NCOR2: variants seen among roughly 807,000 people sequenced by gnomAD.
NCOR2 encodes nuclear receptor corepressor 2.
Under a neutral mutation model 262.9 loss-of-function variants are expected in NCOR2, and 81 were observed. The observed-to-expected ratio is 0.31, with a 90% CI of 0.26 to 0.37. The LOEUF (loss-of-function observed/expected upper bound fraction) is 0.37. Ranked by LOEUF, NCOR2 falls within the 10% of genes least tolerant of loss-of-function variation. The pLI is 1.00. For missense variants in NCOR2, 3,385 were observed against 3,621.4 expected, an observed-to-expected ratio of 0.93 and a Z score of 1.68; for synonymous variants, 1,659 against 1,559.3, an observed-to-expected ratio of 1.06 and a Z score of -1.51.
rs575931033 is a variant in NCOR2, at chr12:124,368,633, C to T, written c.2807+3389G>A. 4.6e-5 allele frequency among the ~76,000 whole-genome samples: 7 copies of T among 152,354 alleles called. No individual in the cohort carries two copies. In the East Asian group the frequency reaches 1.4e-3, roughly 29 times the overall value. On this transcript the variant is annotated intron_variant, in intron 20 of 46. Transcript: ENST00000405201. Reference sequence around the variant, plus strand: ...GACATACGCTCATGCGGCCACAGGGCCTTTGCACTGGTGGTTCCCAGGGGG... The same window carrying T: ...GACATACGCTCATGCGGCCACAGGGTCTTTGCACTGGTGGTTCCCAGGGGG...
At chr12:124,326,235 G>A (rs754553165) in exon 46 of NCOR2, 3 of 1,543,322 alleles carry the variant, frequency 1.9e-6, no homozygotes, top group Non-Finnish European at 1.7e-6. Flanking sequence ...GGTGAGCGGC[G>A]TCCGGCGGTT....
intron 1 of NCOR2, among the ~76,000 whole-genome samples, chr12:124,501,267 T>A (rs1020051231): frequency 1.1e-4 from 17 of 151,792 alleles, no homozygotes; most frequent in African/African-American, 4.1e-4. Flanking sequence ...ACATACGGCC[T>A]CCCTCACCGC....
upstream of NCOR2, among the ~76,000 whole-genome samples, chr12:124,495,877 C>A (rs1011992132): frequency 2.6e-5 from 4 of 152,208 alleles, no homozygotes; most frequent in African/African-American, 4.8e-5. This position sits in a 1 kb window ranked among gnomAD's most constrained non-coding sequence, Gnocchi z 4.4. Flanking sequence ...AAGGCTATGA[C>A]CCTGTGCAGG....
chr12:124,372,489 T>A (rs1238187349), exon 20 of NCOR2: 1 of 1,231,500 alleles, frequency 8.1e-7, no homozygotes, highest in African/African-American at 2.3e-5. Context: ...TGGGTGGCCC[T>A]GGGGGTGGCC....
chr12:124,533,295 C>T (rs770597652), intron 1 of NCOR2, among the ~76,000 whole-genome samples: 2 of 152,062 alleles, frequency 1.3e-5, no homozygotes, highest in Non-Finnish European at 2.9e-5. Context: ...TCGCGCAACC[C>T]GGGAGGCCCA....
At chr12:124,336,028 C>T (rs371165847) in intron 38 of NCOR2, 123 of 197,342 alleles carry the variant, frequency 6.2e-4, no homozygotes, top group African/African-American at 2.8e-3. Context: ...CCTGGGTCCC[C>T]GGGGCCCCGC....
In NCOR2 at chr12:124,545,091, G is replaced by T. The variant is rs555237270; in HGVS notation, c.-164-9480C>A. ...TGGCACCCAGCAGTGCTCAGTTGAA[G>T]CTCACCATCGGGGTTCACCAGGCCA... On this transcript the variant is annotated intron_variant, in intron 1 of 32. Transcript: ENST00000458234. 3.9e-5 allele frequency among the ~76,000 whole-genome samples: 6 copies of T among 152,192 alleles called. No homozygotes were observed. In the East Asian group the frequency reaches 1.2e-3, roughly 29 times the overall value.
chr12:124,475,131 G>A (rs909003194), intron 3 of NCOR2, among the ~76,000 whole-genome samples: 8 of 152,158 alleles, frequency 5.3e-5, no homozygotes, highest in Non-Finnish European at 1.0e-4. Context: ...CATGTGAGAT[G>A]TGGGGGCAAG....
At chr12:124,524,553 A>G (rs775185993) in intron 1 of NCOR2, among the ~76,000 whole-genome samples, 2 of 152,216 alleles carry the variant, frequency 1.3e-5, no homozygotes, top group Non-Finnish European at 2.9e-5. Flanking sequence ...CAGCTGAGGC[A>G]AAGCCAGCTC....
At chr12:124,546,219 A>G (rs1238543939) in intron 1 of NCOR2, among the ~76,000 whole-genome samples, 2 of 152,166 alleles carry the variant, frequency 1.3e-5, no homozygotes, top group East Asian at 1.9e-4. Context: ...AACTCAGCTC[A>G]CAGGGCTGAC....
At chr12:124,557,106 G>A (rs1232429722) in intron 1 of NCOR2, among the ~76,000 whole-genome samples, 13 of 152,218 alleles carry the variant, frequency 8.5e-5, no homozygotes, top group East Asian at 5.8e-4. Flanking sequence ...GAGCAGCAGC[G>A]GGACTGTCCT....
intron 19 of NCOR2, among the ~76,000 whole-genome samples, chr12:124,372,857 C>T (rs1004323875): frequency 6.6e-6 from 1 of 152,166 alleles, no homozygotes. Flanking sequence ...CTGGCATAAC[C>T]TGGTTAATTC....
At chr12:124,493,240 G>A (rs1277801420) in intron 1 of NCOR2, among the ~76,000 whole-genome samples, 2 of 152,238 alleles carry the variant, frequency 1.3e-5, no homozygotes, top group South Asian at 2.1e-4. Flanking sequence ...CCCAAGGCTA[G>A]GAGCCGGGTG....
intron 1 of NCOR2, among the ~76,000 whole-genome samples, chr12:124,550,781 G>A (rs1440611883): frequency 6.6e-6 from 1 of 152,208 alleles, no homozygotes; most frequent in Non-Finnish European, 1.5e-5. Flanking sequence ...AATGGAGAGA[G>A]GGCTGACCCA....
At chr12:124,416,942 A>G (rs753535179) in intron 13 of NCOR2, among the ~76,000 whole-genome samples, 1 of 152,234 alleles carries the variant, frequency 6.6e-6, no homozygotes, top group Non-Finnish European at 1.5e-5. Flanking sequence ...AACAACCAGC[A>G]TGAAGCTCCC....
intron 1 of NCOR2, among the ~76,000 whole-genome samples, chr12:124,522,920 TC>T (rs1009677524): frequency 7.9e-5 from 12 of 152,078 alleles, no homozygotes; most frequent in African/African-American, 2.7e-4. Context: ...CAAATCCCCT[TC>T]CCTGTGGCAG....
chr12:124,415,978 T>TC (rs765776437), intron 13 of NCOR2, among the ~76,000 whole-genome samples: 15 of 152,058 alleles, frequency 9.9e-5, no homozygotes, highest in Non-Finnish European at 2.1e-4. Context: ...AGCTGTTTTT[T>TC]CCCTTTTTAA....
chr12:124,423,513 G>A (rs2043342542), intron 11 of NCOR2, among the ~76,000 whole-genome samples: 2 of 152,250 alleles, frequency 1.3e-5, no homozygotes, highest in African/African-American at 4.8e-5. Context: ...TCTCTTCCCG[G>A]TGGAAGCGGC....
chr12:124,352,981 G>A (rs1350061777), intron 27 of NCOR2, among the ~76,000 whole-genome samples: 1 of 152,218 alleles, frequency 6.6e-6, no homozygotes, highest in South Asian at 2.1e-4. Context: ...GTTAATAAAC[G>A]GCTCTGTGCG....
Sources: allele counts gnomAD v4.1 joint callset (sites outside exome capture counted in the v4.1 genomes callset), GRCh38; gene constraint gnomAD v4.1.1; non-coding constraint Gnocchi (gnomAD v3.1); transcripts MANE v1.5; gene names NCBI Gene and HGNC (gene_info 2026-07-23, HGNC 2026-07-21).